PCID2: variants seen among roughly 807,000 people sequenced by gnomAD.
The protein encoded by PCID2 is PCI domain containing 2.
A neutral mutation model predicts 61.3 loss-of-function variants in PCID2; 41 were observed. That is an observed-to-expected ratio of 0.67 (90% CI 0.52 to 0.87). The LOEUF is 0.87. Among genes scored for constraint, PCID2 ranks in the 40% least tolerant of loss-of-function variants. The pLI is 0.00. For missense variants in PCID2, 392 were observed against 493.4 expected (o/e 0.79, Z 1.95); for synonymous variants, 187 against 177.8 (o/e 1.05, Z -0.41).
At chr13:113,180,113 G>C (rs753056281) in intron 11 of PCID2, 45 bp downstream of exon 11, 1 of 1,613,124 alleles carries the variant, frequency 6.2e-7, no homozygotes, top group African/African-American at 1.3e-5. Flanking sequence ...CTCTCATCAG[G>C]CTTGCATTTT....
At chr13:113,169,616 G>GCTCTA in the PCID2 span, among the ~76,000 whole-genome samples, 30 of 152,220 alleles carry the variant, frequency 2.0e-4, no homozygotes, top group Non-Finnish European at 2.9e-4. Context: ...TTTGTCAGTA[G>GCTCTA]GACCAGGGCA....
rs1370418160 is a variant in PCID2, at chr13:113,180,305, G to A, written c.787-74C>T. The A allele has an allele frequency of 5.9e-6, 7 of 1,192,276 alleles. No individual in the cohort carries two copies. The African/African-American group carries it at 9.0e-5, about 15-fold the overall frequency. The allele number at this position is 1,192,276 out of a possible 1,614,324, so 73.9% of individuals were successfully genotyped here. ...TGTCCTTGATAAATATTCATATCAA[G>A]GAATTAAGTTTTAAGAAAATTGCAA... On this transcript the variant is annotated intron_variant, in intron 10 of 13. Transcript: ENST00000337344.
rs147326101 is a variant in PCID2, at chr13:113,203,450, G to A, written c.37-2934C>T. ...ACAGGTTTAGGGATTTCATCTAAAA[G>A]GTAGACAGACAGATACTAAGATCCT... On this transcript the variant is annotated intron_variant, in intron 1 of 13. Coordinates refer to ENST00000337344, the MANE Select transcript of PCID2 (RefSeq NM_001127202.4). 7.9e-5 allele frequency among the ~76,000 whole-genome samples: 12 copies of A among 152,296 alleles called. No homozygotes were observed. In the East Asian group the frequency reaches 1.7e-3, roughly 22 times the overall value.
At chr13:113,176,711 A>G (rs2037197230), downstream of PCID2, among the ~76,000 whole-genome samples, 1 of 152,174 alleles carries the variant, frequency 6.6e-6, no homozygotes, top group African/African-American at 2.4e-5. Context: ...TGCAGTAAGC[A>G]CTGACTGCAC....
chr13:113,173,264 G>A (rs546536703), downstream of PCID2, among the ~76,000 whole-genome samples: 2 of 152,260 alleles, frequency 1.3e-5, no homozygotes, highest in African/African-American at 4.8e-5. Context: ...CAGCTGCAAT[G>A]CAAGTACCAA....
chr13:113,208,090 A>T, intron 1 of PCID2: 1 of 1,612,540 alleles, frequency 6.2e-7, no homozygotes, highest in Non-Finnish European at 8.5e-7. Flanking sequence ...GTGCTCGGAG[A>T]GTGAAGGGCG....
intron 9 of PCID2, chr13:113,184,101 G>C (rs562994503): frequency 1.2e-6 from 1 of 806,974 alleles, no homozygotes; most frequent in South Asian, 5.6e-5. Context: ...CATGCTCAGT[G>C]AACTCAGAAA....
intron 6 of PCID2, among the ~76,000 whole-genome samples, chr13:113,192,818 CAA>C (rs1255635302): frequency 2.6e-5 from 4 of 152,134 alleles, no homozygotes; most frequent in Non-Finnish European, 5.9e-5. Flanking sequence ...GTGTCCCCTC[CAA>C]AACTCATGCT....
At chr13:113,167,512 G>A in the PCID2 span, among the ~76,000 whole-genome samples, 155 of 152,206 alleles carry the variant, frequency 1.0e-3, no homozygotes, top group Non-Finnish European at 1.7e-3. Flanking sequence ...ACAACTTCTC[G>A]TTTTCTCCTT....
Position 113,202,918 on chromosome 13 carries a change from G to A in PCID2, c.37-2402C>T, listed in dbSNP as rs567327949. On this transcript the variant is annotated intron_variant, in intron 1 of 13. Transcript: ENST00000337344. ...ACAAATAGAAAATACATACCTATATGAGTAACCTTTGAAAACAGTAGTTTG... is the reference window on the plus strand; with the variant it reads ...ACAAATAGAAAATACATACCTATATAAGTAACCTTTGAAAACAGTAGTTTG... Among the ~76,000 whole-genome samples, 8 of 152,282 alleles carry A rather than the reference G, an allele frequency of 5.3e-5. No homozygotes were observed. The South Asian group carries it at 1.2e-3, about 24-fold the overall frequency.
chr13:113,195,817 T>A (rs1390075886), intron 5 of PCID2, among the ~76,000 whole-genome samples: 3 of 152,224 alleles, frequency 2.0e-5, no homozygotes, highest in Non-Finnish European at 4.4e-5. Flanking sequence ...TTATTATGTA[T>A]TAGAACACCC....
chr13:113,174,830 GATT>G (rs1169892685), downstream of PCID2, among the ~76,000 whole-genome samples: 15 of 152,336 alleles, frequency 9.8e-5, no homozygotes, highest in African/African-American at 3.1e-4. Context: ...CTTGGGCAGA[GATT>G]ATTAAGTCCA....
At position 113,179,906 on chromosome 13, in the gene PCID2, G is replaced by C; in HGVS notation, c.986+11C>G. The C allele has an allele frequency of 6.2e-7, 1 of 1,609,426 alleles. No homozygotes were observed. Among genetic ancestry groups the C allele is most frequent in the Non-Finnish European group, 8.5e-7 (1 of 1,177,530 alleles). ...CACACTGGGAGCCCAATGTGCCGGG[G>C]AAATGCTTACACTTTCTTAAAGAGG... On this transcript the variant is annotated intron_variant, in intron 12 of 13. Coordinates refer to ENST00000337344, the MANE Select transcript of PCID2 (RefSeq NM_001127202.4). The surrounding 1 kb of genome is among the most constrained non-coding windows in gnomAD (Gnocchi z 4.3).
At chr13:113,196,967 C>A in intron 4 of PCID2, 1 of 1,291,090 alleles carries the variant, frequency 7.7e-7, no homozygotes, top group African/African-American at 1.5e-5. Flanking sequence ...AACCAGTGTT[C>A]TTCCTTACTA....
At chr13:113,166,847 C>A in the PCID2 span, among the ~76,000 whole-genome samples, 1 of 152,152 alleles carries the variant, frequency 6.6e-6, no homozygotes, top group African/African-American at 2.4e-5. Context: ...TCTCCAGCTT[C>A]CCAGCTTACC....
At chr13:113,182,710 G>A (rs1016666591) in intron 9 of PCID2, among the ~76,000 whole-genome samples, 2 of 151,992 alleles carry the variant, frequency 1.3e-5, no homozygotes, top group African/African-American at 2.4e-5. Context: ...CCGTGGTCTC[G>A]ATCTCCTGAC....
In PCID2 at chr13:113,190,862, C is replaced by T; in HGVS notation, c.467+10G>A. Reference sequence around the variant, plus strand: ...AGCGTCTGGTGGTCGGTCCTCAAGTCCTTACTCACGTGTCGCTGGCACAGA... The same window carrying T: ...AGCGTCTGGTGGTCGGTCCTCAAGTTCTTACTCACGTGTCGCTGGCACAGA... On this transcript the variant is annotated intron_variant, in intron 7 of 13. Transcript: ENST00000337344. The T allele has an allele frequency of 6.3e-7, 1 of 1,582,440 alleles. No individual in the cohort carries two copies. The highest frequency in any genetic ancestry group is 8.7e-7 in the Non-Finnish European group (1 of 1,153,718).
intron 1 of PCID2, among the ~76,000 whole-genome samples, chr13:113,203,456 C>T (rs1445496349): frequency 2.0e-5 from 3 of 152,208 alleles, no homozygotes; most frequent in Admixed American, 6.5e-5. Context: ...AAAAGGTAGA[C>T]AGACAGATAC....
chr13:113,194,593 G>C (rs375635976), intron 6 of PCID2, among the ~76,000 whole-genome samples: 1 of 152,178 alleles, frequency 6.6e-6, no homozygotes. Flanking sequence ...CCAAAAGGTT[G>C]ACAAATGCTG....
Sources: allele counts gnomAD v4.1 joint callset (sites outside exome capture counted in the v4.1 genomes callset), GRCh38; gene constraint gnomAD v4.1.1; non-coding constraint Gnocchi (gnomAD v3.1); transcripts MANE v1.5; gene names NCBI Gene and HGNC (gene_info 2026-07-23, HGNC 2026-07-21).